Variants in ZNF33A observed in about 807,000 individuals in gnomAD.
The protein encoded by ZNF33A is zinc finger protein 33A.
ZNF33A carries 9 observed loss-of-function variants against 15.9 expected under a neutral mutation model. That is an observed-to-expected ratio of 0.57 (90% CI 0.34 to 0.99). ZNF33A has a LOEUF of 0.99. Among genes scored for constraint, ZNF33A ranks in the 50% least tolerant of loss-of-function variants. ZNF33A has a pLI of 0.02. For missense variants in ZNF33A, 843 were observed against 941.6 expected (o/e 0.90, Z 1.37); for synonymous variants, 294 against 324.2 (o/e 0.91, Z 1.00).
intron 4 of ZNF33A, among the ~76,000 whole-genome samples, chr10:38,053,027 ACTTT>A (rs1195605126): frequency 6.6e-6 from 1 of 151,814 alleles, no homozygotes; most frequent in Non-Finnish European, 1.5e-5. Context: ...TTTATCCAGA[ACTTT>A]CTTTCTGATC....
intron 4 of ZNF33A, chr10:38,043,868 T>G (rs998542348): frequency 6.6e-6 from 1 of 151,942 alleles, no homozygotes; most frequent in Admixed American, 6.6e-5. Flanking sequence ...CTTTTTTTTT[T>G]TTTTTGTTTA....
intron 4 of ZNF33A, among the ~76,000 whole-genome samples, chr10:38,032,352 A>T (rs1158108731): frequency 6.6e-6 from 1 of 152,196 alleles, no homozygotes; most frequent in East Asian, 1.9e-4. Flanking sequence ...ATTATATGAG[A>T]TATAATTCAC....
chr10:38,049,802 A>G (rs902937704), intron 4 of ZNF33A, among the ~76,000 whole-genome samples: 2 of 152,190 alleles, frequency 1.3e-5, no homozygotes, highest in African/African-American at 4.8e-5. Context: ...TTAGAAAATC[A>G]GTGAAACCAA....
intron 4 of ZNF33A, among the ~76,000 whole-genome samples, chr10:38,035,033 T>G (rs1245332298): frequency 1.3e-5 from 2 of 152,068 alleles, no homozygotes; most frequent in Admixed American, 6.6e-5. Flanking sequence ...ATTCTAGCTT[T>G]CTTCCCTTGC....
At chr10:38,030,840 G>GAA (rs1018836489) in intron 4 of ZNF33A, among the ~76,000 whole-genome samples, 1 of 152,158 alleles carries the variant, frequency 6.6e-6, no homozygotes, top group Non-Finnish European at 1.5e-5. Context: ...GGTGGGATTT[G>GAA]AAATCTATTA....
chr10:38,020,860 G>C (rs372469347), intron 4 of ZNF33A, among the ~76,000 whole-genome samples: 3 of 152,204 alleles, frequency 2.0e-5, no homozygotes, highest in Non-Finnish European at 4.4e-5. Context: ...CTAGCAGTGG[G>C]ATTGCTGGAT....
At chr10:38,010,561 T>A, upstream of ZNF33A, 1 of 810,198 alleles carries the variant, frequency 1.2e-6, no homozygotes, top group East Asian at 2.4e-5. Context: ...TCTCTACCAA[T>A]CCGAAGGGCT....
intron 4 of ZNF33A, chr10:38,039,601 C>T: frequency 2.2e-6 from 1 of 453,098 alleles, no homozygotes; most frequent in South Asian, 1.6e-5. Context: ...TCTTTTTCTA[C>T]TTGAGTTGGT....
In ZNF33A at chr10:38,057,984, T is replaced by C. The variant is rs1429828839; in HGVS notation, c.*1424T>C. ...GAATCAAGCTGGTGTGGGGCTTTTA[T>C]TGATAGTGTGAAGATTGTACACTAT... On this transcript the variant is annotated 3_prime_UTR_variant, in exon 5 of 5. Coordinates refer to ENST00000432900, the MANE Select transcript of ZNF33A (RefSeq NM_006954.2). The C allele has an allele frequency of 1.0e-6, 1 of 985,262 alleles. No individual in the cohort carries two copies. The highest frequency in any genetic ancestry group is 1.7e-5 in the African/African-American group (1 of 57,216). 61.0% of individuals were successfully genotyped at this position (985,262 alleles called of 1,614,324 possible). A position where few individuals can be genotyped will look rare whatever the true frequency, so the allele number is the denominator to read the frequency against.
rs537924629 is a variant in ZNF33A, at chr10:38,054,947, T to G, written c.823T>G (p.Tyr275Asp). Residue 275 changes from tyrosine (Y) to aspartate (D), a missense_variant, in exon 5 of 5, where the codon TAT becomes GAT. Tyr to Asp is a radical substitution (Grantham distance 160). Transcript: ENST00000432900. ...GATATCTCCGTCAAGGGACAATCAC[T>G]ATGAATTTAGTGATTGTGAGAAGTT... ...HQISPSRDNHYEFSDCEKFLC... is the reference protein window; with the variant it reads ...HQISPSRDNHDEFSDCEKFLC... The G allele has an allele frequency of 3.7e-6, 6 of 1,614,084 alleles. No individual in the cohort carries two copies. In the South Asian group the frequency reaches 6.6e-5, roughly 18 times the overall value.
intron 2 of ZNF33A, among the ~76,000 whole-genome samples, chr10:38,013,959 C>G (rs1471105481): frequency 6.7e-6 from 1 of 149,682 alleles, no homozygotes; most frequent in Non-Finnish European, 1.5e-5. Context: ...GCCACAGTAT[C>G]TGGCTTCAGT....
chr10:38,056,190 G>C lies in ZNF33A; in HGVS notation c.2066G>C (p.Gly689Ala), dbSNP rs768760140. Residue 689 changes from glycine to alanine, a missense_variant, in exon 5 of 5, where the codon GGG becomes GCG. Transcript: ENST00000432900. ...GLIFHERKHT[G>A]EKPYECNECG... The stretch of plus-strand genomic sequence containing the variant: ...ATTTTCCATGAGAGAAAGCACACGG[G>C]GGAGAAACCCTATGAATGCAATGAA... 6.2e-7 allele frequency: 1 copy of C among 1,614,116 alleles called. No individual in the cohort carries two copies. Among genetic ancestry groups the C allele is most frequent in the Non-Finnish European group, 8.5e-7 (1 of 1,179,986 alleles).
chr10:38,015,765 T>G (rs566495017), intron 2 of ZNF33A, among the ~76,000 whole-genome samples: 1 of 152,238 alleles, frequency 6.6e-6, no homozygotes, highest in South Asian at 2.1e-4. Context: ...ATTTTTTTTC[T>G]TAATGAATTG....
At chr10:38,030,042 CGTT>C (rs1420427867) in intron 4 of ZNF33A, among the ~76,000 whole-genome samples, 3 of 152,102 alleles carry the variant, frequency 2.0e-5, no homozygotes, top group Non-Finnish European at 4.4e-5. Context: ...TACCCAGACA[CGTT>C]ATACTGAAAG....
At chr10:38,031,905 C>T (rs940172299) in intron 4 of ZNF33A, among the ~76,000 whole-genome samples, 16 of 151,954 alleles carry the variant, frequency 1.1e-4, no homozygotes, top group African/African-American at 3.6e-4. Flanking sequence ...GGAGGTTGCA[C>T]TGAGCTGAGA....
intron 4 of ZNF33A, among the ~76,000 whole-genome samples, chr10:38,029,653 A>C (rs1207518191): frequency 6.6e-6 from 1 of 152,130 alleles, no homozygotes; most frequent in African/African-American, 2.4e-5. Context: ...CCTGTTGTCC[A>C]CTCAAGAACA....
chr10:38,019,039 G>A (rs1332135818), intron 4 of ZNF33A, among the ~76,000 whole-genome samples: 7 of 151,184 alleles, frequency 4.6e-5, no homozygotes, highest in Admixed American at 1.3e-4. Flanking sequence ...CAAGGTGCAG[G>A]TTTGTTACAT....
intron 4 of ZNF33A, chr10:38,043,776 A>G (rs1383987366): frequency 6.6e-6 from 1 of 151,862 alleles, no homozygotes; most frequent in African/African-American, 2.4e-5. Context: ...ATCTTAGGAC[A>G]TTCCCTTCAT....
At chr10:38,023,705 A>T (rs2064854433) in intron 4 of ZNF33A, among the ~76,000 whole-genome samples, 3 of 152,202 alleles carry the variant, frequency 2.0e-5, no homozygotes, top group African/African-American at 7.2e-5. Context: ...CAAGGCAAGG[A>T]TGTTTGCTCC....
Sources: allele counts gnomAD v4.1 joint callset (sites outside exome capture counted in the v4.1 genomes callset), GRCh38; gene constraint gnomAD v4.1.1; transcripts MANE v1.5; gene names NCBI Gene and HGNC (gene_info 2026-07-23, HGNC 2026-07-21).